The following TMEM233 variants were observed in gnomAD, a reference collection of about 807,000 sequenced individuals.
TMEM233 encodes the protein dispanin subfamily B member 2.
In TMEM233, 6 loss-of-function variants were observed where a neutral mutation model predicts 11.2. That is an observed-to-expected ratio of 0.54 (90% confidence interval 0.29 to 1.06). The LOEUF (loss-of-function observed/expected upper bound fraction) is 1.06. TMEM233 is among the 50% of genes least tolerant of loss of function. The probability of loss-of-function intolerance (pLI) is 0.08; values close to 1 mark genes in which losing one functional copy is unlikely to be tolerated. For synonymous variants in TMEM233, 59 were observed against 55.8 expected, an observed-to-expected ratio of 1.06 and a Z score of -0.26; for missense variants, 127 against 144.7, an observed-to-expected ratio of 0.88 and a Z score of 0.63.
the TMEM233 span, among the ~76,000 whole-genome samples, chr12:119,652,589 A>G: frequency 6.6e-6 from 1 of 152,208 alleles, no homozygotes; most frequent in African/African-American, 2.4e-5. Context: ...GCAGAATCAC[A>G]GGTTAGAGTT....
chr12:119,610,593 T>C (rs540485654), intron 1 of TMEM233, among the ~76,000 whole-genome samples: 3 of 152,130 alleles, frequency 2.0e-5, no homozygotes, highest in Non-Finnish European at 4.4e-5. Flanking sequence ...GTTCTCATGA[T>C]AGTGAGTTCT....
At position 119,600,548 on chromosome 12, in the gene TMEM233, G is replaced by A. The variant is rs530672517; in HGVS notation, c.186+6514G>A. Among the ~76,000 whole-genome samples, 22 of 152,290 alleles carry A rather than the reference G, an allele frequency of 1.4e-4. 1 individual carries two copies. Among genetic ancestry groups the A allele is most frequent in the Admixed American group, 5.2e-4 (8 of 15,296 alleles). ...TATGGAAGTCACCCAAGTGTCCATC[G>A]ATGGATGAATAGGTAAACAAAATGT... is the stretch of plus-strand genomic sequence containing the variant. On this transcript the variant is annotated intron_variant, in intron 1 of 2. Transcript: ENST00000426426.
chr12:119,604,256 G>A (rs768875483), intron 1 of TMEM233, among the ~76,000 whole-genome samples: 1 of 152,184 alleles, frequency 6.6e-6, no homozygotes, highest in Non-Finnish European at 1.5e-5. Flanking sequence ...ACCAAAAAAG[G>A]TACAGGTGCA....
intron 1 of TMEM233, among the ~76,000 whole-genome samples, chr12:119,596,551 G>A (rs1370585804): frequency 3.0e-5 from 4 of 135,082 alleles, no homozygotes; most frequent in Non-Finnish European, 6.1e-5. Flanking sequence ...GAGTGCAGTG[G>A]CACAATCTCG....
At chr12:119,639,085 C>T (rs1955028794) in intron 2 of TMEM233, among the ~76,000 whole-genome samples, 1 of 152,080 alleles carries the variant, frequency 6.6e-6, no homozygotes, top group Non-Finnish European at 1.5e-5. Flanking sequence ...TTGCCGTTCC[C>T]TCTGCCTGGA....
At chr12:119,618,627 A>G (rs1041897851) in intron 1 of TMEM233, among the ~76,000 whole-genome samples, 6 of 152,198 alleles carry the variant, frequency 3.9e-5, no homozygotes, top group African/African-American at 1.2e-4. Context: ...TTTAATGTTT[A>G]ATGACTGCTC....
intron 1 of TMEM233, among the ~76,000 whole-genome samples, chr12:119,621,859 C>G (rs984500773): frequency 6.6e-6 from 1 of 152,110 alleles, no homozygotes; most frequent in African/African-American, 2.4e-5. Context: ...ACCAGCTAGC[C>G]AAAGCAAAAC....
intron 1 of TMEM233, among the ~76,000 whole-genome samples, chr12:119,625,020 A>G (rs10744742): frequency 0.76 from 115,965 of 151,874 alleles, 44,499 homozygotes; most frequent in Middle Eastern, 0.85. Context: ...CTTAGAATTC[A>G]GGAACTCACC....
chr12:119,602,332 G>C (rs1364141813), intron 1 of TMEM233, among the ~76,000 whole-genome samples: 1 of 152,158 alleles, frequency 6.6e-6, no homozygotes, highest in Non-Finnish European at 1.5e-5. Context: ...CCACTAGTTG[G>C]AGCACCAAAT....
rs2301653 is a variant in TMEM233 at position 119,629,756 on chromosome 12, T to C, written c.207T>C (p.Asp69=). 0.79 allele frequency: 1,224,638 copies of C among 1,551,140 alleles called. 484,875 individuals are homozygous for C. Among genetic ancestry groups the C allele is most frequent in the Middle Eastern group, 0.87 (5,172 of 5,970 alleles). ...FSIMSLNSYN[D]GDYEGARRLG... is the part of the protein sequence containing the mutation. ...CCCAGTCTCTGAACAGCTACAACGA[T>C]GGAGACTACGAAGGAGCCAGGCGGC... is the stretch of plus-strand genomic sequence containing the variant. Residue 69 remains aspartate, a synonymous_variant, in exon 2 of 3, where the codon GAT becomes GAC. Transcript: ENST00000426426.
chr12:119,617,634 G>C (rs898252251), intron 1 of TMEM233, among the ~76,000 whole-genome samples: 11 of 152,150 alleles, frequency 7.2e-5, no homozygotes, highest in Non-Finnish European at 1.5e-5. Flanking sequence ...AGGAGTTCGA[G>C]ACCAGCCTGA....
chr12:119,632,943 A>G (rs1196511346), intron 2 of TMEM233, among the ~76,000 whole-genome samples: 1 of 152,222 alleles, frequency 6.6e-6, no homozygotes, highest in Non-Finnish European at 1.5e-5. Flanking sequence ...GAAGGGATCT[A>G]GAAGCATTCA....
intron 1 of TMEM233, among the ~76,000 whole-genome samples, chr12:119,603,857 C>A (rs941042902): frequency 6.6e-6 from 1 of 152,194 alleles, no homozygotes; most frequent in South Asian, 2.1e-4. Context: ...CTGCTCCTAC[C>A]TTTATCTCTG....
downstream of TMEM233, among the ~76,000 whole-genome samples, chr12:119,647,688 G>A (rs895638970): frequency 6.6e-6 from 1 of 152,066 alleles, no homozygotes; most frequent in African/African-American, 2.4e-5. Context: ...TGTGTGCCAT[G>A]GTGGTTTGCT....
chr12:119,627,525 G>T (rs1479111257), intron 1 of TMEM233, among the ~76,000 whole-genome samples: 1 of 152,152 alleles, frequency 6.6e-6, no homozygotes, highest in Non-Finnish European at 1.5e-5. Context: ...GTGTCATGTG[G>T]CAAGACAGAG....
At chr12:119,633,664 GAGAC>G in intron 2 of TMEM233, among the ~76,000 whole-genome samples, 1 of 152,314 alleles carries the variant, frequency 6.6e-6, no homozygotes, top group East Asian at 1.9e-4. Flanking sequence ...AAGAGAGAGA[GAGAC>G]AGAGAGAAAG....
the TMEM233 span, among the ~76,000 whole-genome samples, chr12:119,652,385 C>A: frequency 6.6e-6 from 1 of 152,158 alleles, no homozygotes; most frequent in African/African-American, 2.4e-5. Flanking sequence ...TTGCCTAGTA[C>A]AGCTACAAAC....
chr12:119,629,334 C>A (rs541099212), intron 1 of TMEM233, among the ~76,000 whole-genome samples: 248 of 152,072 alleles, frequency 1.6e-3, no homozygotes, highest in African/African-American at 5.5e-3. Context: ...TGCTTGAACC[C>A]GGGAGGCGGA....
intron 1 of TMEM233, among the ~76,000 whole-genome samples, chr12:119,618,589 A>G (rs920912027): frequency 2.6e-4 from 39 of 152,226 alleles, no homozygotes; most frequent in Admixed American, 2.5e-3. Flanking sequence ...GATGTGAGAC[A>G]TGGAGTCAAA....
Sources: gnomAD v4.1 joint callset for allele counts (sites outside exome capture counted in the v4.1 genomes callset) on GRCh38, gnomAD v4.1.1 for gene constraint, MANE v1.5 for transcripts, NCBI Gene and HGNC (gene_info 2026-07-23, HGNC 2026-07-21) for gene names.